MAGI2: variants seen among roughly 807,000 people sequenced by gnomAD.
MAGI2 encodes membrane associated guanylate kinase, WW and PDZ domain containing 2, also known as membrane-associated guanylate kinase, WW and PDZ domain-containing protein 2.
MAGI2 carries 35 observed loss-of-function variants against 133.3 expected under a neutral mutation model. That is an observed-to-expected ratio of 0.26 (90% CI 0.20 to 0.35). The LOEUF (loss-of-function observed/expected upper bound fraction) is 0.35. MAGI2 is among the 10% of genes least tolerant of loss of function. The pLI is 1.00. For missense variants in MAGI2, 1,636 were observed against 1,863.4 expected, an observed-to-expected ratio of 0.88 and a Z score of 2.25; for synonymous variants, 729 against 710.6, an observed-to-expected ratio of 1.03 and a Z score of -0.41.
intron 9 of MAGI2, among the ~76,000 whole-genome samples, chr7:78,336,118 G>A (rs1789731918): frequency 6.6e-6 from 1 of 152,142 alleles, no homozygotes; most frequent in Non-Finnish European, 1.5e-5. Flanking sequence ...AGGGTGGGAA[G>A]GGACAGGGTG....
intron 2 of MAGI2, among the ~76,000 whole-genome samples, chr7:78,681,316 A>G (rs544272946): frequency 6.6e-6 from 1 of 152,280 alleles, no homozygotes; most frequent in African/African-American, 2.4e-5. Context: ...TCTTTGGTAT[A>G]TTTCAAATAG....
chr7:78,827,764 T>C (rs1333969681), intron 2 of MAGI2, among the ~76,000 whole-genome samples: 1 of 152,306 alleles, frequency 6.6e-6, no homozygotes, highest in East Asian at 1.9e-4. Flanking sequence ...TATGTTGATA[T>C]AAATAAATGA....
At chr7:78,807,276 C>T (rs1788655598) in intron 2 of MAGI2, among the ~76,000 whole-genome samples, 2 of 152,012 alleles carry the variant, frequency 1.3e-5, no homozygotes, top group African/African-American at 4.8e-5. Flanking sequence ...AACTAAAAAA[C>T]TAAAAGTATT....
chr7:79,149,584 A>G (rs1822996062), intron 1 of MAGI2, among the ~76,000 whole-genome samples: 1 of 152,192 alleles, frequency 6.6e-6, no homozygotes, highest in Non-Finnish European at 1.5e-5. Context: ...ATTGAATCAT[A>G]CAATGAGTTA....
At chr7:79,352,197 G>A (rs899163200) in intron 1 of MAGI2, among the ~76,000 whole-genome samples, 3 of 152,058 alleles carry the variant, frequency 2.0e-5, no homozygotes, top group African/African-American at 4.8e-5. Context: ...ATAAACCTTC[G>A]GATTTTCATA....
At chr7:78,208,966 T>G (rs1787418302) in intron 10 of MAGI2, among the ~76,000 whole-genome samples, 1 of 151,734 alleles carries the variant, frequency 6.6e-6, no homozygotes, top group Non-Finnish European at 1.5e-5. Context: ...CTCACGCCTG[T>G]AATCCCAGCA....
intron 21 of MAGI2, among the ~76,000 whole-genome samples, chr7:78,040,341 G>A (rs1810680969): frequency 1.8e-5 from 1 of 54,790 alleles, no homozygotes. Flanking sequence ...GCGAGGATGA[G>A]GGGAGGCACA....
In MAGI2 at chr7:78,788,753, G is replaced by A. The variant is rs751451012; in HGVS notation, c.419-161514C>T. ...GGGAATACCTCCCACTAATAACTCCGTTTAAGTCCTATTTCCTCTTACTGT... is the reference window on the plus strand; with the variant it reads ...GGGAATACCTCCCACTAATAACTCCATTTAAGTCCTATTTCCTCTTACTGT... On this transcript the variant is annotated intron_variant, in intron 2 of 21. Transcript: ENST00000354212. Among the ~76,000 whole-genome samples the A allele has an allele frequency of 1.3e-4, 20 of 152,060 alleles. No individual in the cohort carries two copies. The East Asian group carries it at 1.3e-3, about 10-fold the overall frequency.
chr7:79,235,448 T>C (rs901879067), intron 1 of MAGI2, among the ~76,000 whole-genome samples: 5 of 152,132 alleles, frequency 3.3e-5, no homozygotes, highest in Non-Finnish European at 7.3e-5. Flanking sequence ...TCAGCGAGAC[T>C]CCGTGGGCAT....
intron 10 of MAGI2, among the ~76,000 whole-genome samples, chr7:78,228,735 GA>G (rs1034802110): frequency 3.3e-5 from 5 of 151,788 alleles, no homozygotes; most frequent in Non-Finnish European, 5.9e-5. Flanking sequence ...TATGGGGAAG[GA>G]AAAAAACACT....
intron 1 of MAGI2, among the ~76,000 whole-genome samples, chr7:79,394,954 T>A (rs4141208): frequency 1.3e-5 from 2 of 152,042 alleles, no homozygotes; most frequent in South Asian, 2.1e-4. Flanking sequence ...AATTTACGCC[T>A]TTAGATTTTG....
At chr7:78,415,901 C>T (rs10262046) in intron 6 of MAGI2, among the ~76,000 whole-genome samples, 86,043 of 152,054 alleles carry the variant, frequency 0.57, 24,586 homozygotes, top group East Asian at 0.71. Flanking sequence ...GGGACACAAT[C>T]CAATCCTTTG....
chr7:78,128,652 A>G (rs1821236849), intron 18 of MAGI2, among the ~76,000 whole-genome samples: 1 of 152,062 alleles, frequency 6.6e-6, no homozygotes, highest in South Asian at 2.1e-4. Context: ...TGCCTGAACA[A>G]TTGCCATTAG....
At chr7:78,960,473 G>A (rs1240886929) in intron 2 of MAGI2, among the ~76,000 whole-genome samples, 1 of 152,068 alleles carries the variant, frequency 6.6e-6, no homozygotes, top group Non-Finnish European at 1.5e-5. Context: ...TCCCTAAGGA[G>A]TGAGTACTGC....
chr7:79,363,453 T>TA (rs768630788), intron 1 of MAGI2, among the ~76,000 whole-genome samples: 69 of 149,034 alleles, frequency 4.6e-4, no homozygotes, highest in East Asian at 8.0e-4. Context: ...TTTATAGATA[T>TA]AAAAAAAAAT....
intron 2 of MAGI2, among the ~76,000 whole-genome samples, chr7:78,870,852 G>C (rs1794974361): frequency 6.6e-6 from 1 of 152,138 alleles, no homozygotes; most frequent in African/African-American, 2.4e-5. Flanking sequence ...ATACACCATG[G>C]AATACTACAC....
chr7:78,922,430 A>T (rs1480611407), intron 2 of MAGI2, among the ~76,000 whole-genome samples: 4 of 150,510 alleles, frequency 2.7e-5, no homozygotes, highest in Admixed American at 2.0e-4. Context: ...CCTATGAGTG[A>T]GAACATGCGG....
chr7:79,027,611 C>T (rs929979186), intron 1 of MAGI2, among the ~76,000 whole-genome samples: 57 of 152,074 alleles, frequency 3.7e-4, no homozygotes, highest in African/African-American at 1.2e-3. Flanking sequence ...ATATACTGCA[C>T]GATATGGTGA....
intron 14 of MAGI2, 58 bp downstream of exon 14, chr7:78,177,953 C>A: frequency 8.5e-7 from 1 of 1,173,038 alleles, no homozygotes; most frequent in Non-Finnish European, 1.3e-6. Context: ...ACTATTTTCC[C>A]TGGTGTTTAC....
Sources: gnomAD v4.1 joint callset for allele counts (sites outside exome capture counted in the v4.1 genomes callset) on GRCh38, gnomAD v4.1.1 for gene constraint, MANE v1.5 for transcripts, NCBI Gene and HGNC (gene_info 2026-07-23, HGNC 2026-07-21) for gene names.